MGAT4C: variants seen among roughly 807,000 people sequenced by gnomAD.
MGAT4C encodes the protein MGAT4 family member C, also known as alpha-1,3-mannosyl-glycoprotein 4-beta-N-acetylglucosaminyltransferase C.
A neutral mutation model predicts 40.1 loss-of-function variants in MGAT4C; 19 were observed. That is an observed-to-expected ratio of 0.47 (90% confidence interval 0.33 to 0.70). The LOEUF is 0.70. Among genes scored for constraint, MGAT4C ranks in the 30% least tolerant of loss-of-function variants. The pLI, the probability that MGAT4C is intolerant of heterozygous loss-of-function variation, is 0.02. For missense variants in MGAT4C, 491 were observed against 563.2 expected (o/e 0.87, Z 1.30); for synonymous variants, 181 against 187.1 (o/e 0.97, Z 0.27).
intron 1 of MGAT4C, among the ~76,000 whole-genome samples, chr12:86,131,917 T>C (rs57328168): frequency 0.035 from 5,351 of 152,224 alleles, 302 homozygotes; most frequent in East Asian, 0.28. Flanking sequence ...TTAATTCAAT[T>C]GTAAGAATCA....
At chr12:86,431,679 A>G (rs950487490) in intron 3 of MGAT4C, among the ~76,000 whole-genome samples, 4 of 152,170 alleles carry the variant, frequency 2.6e-5, no homozygotes, top group African/African-American at 7.2e-5. Flanking sequence ...AACACAGTAT[A>G]CTGTAGAGTA....
chr12:86,159,880 A>G (rs1406470725), intron 1 of MGAT4C, among the ~76,000 whole-genome samples: 5 of 152,092 alleles, frequency 3.3e-5, no homozygotes, highest in African/African-American at 1.2e-4. Context: ...GGTCAGTTAT[A>G]ATATCACCTT....
At chr12:86,715,335 G>A (rs1395382159) in intron 2 of MGAT4C, among the ~76,000 whole-genome samples, 1 of 152,096 alleles carries the variant, frequency 6.6e-6, no homozygotes, top group Non-Finnish European at 1.5e-5. Flanking sequence ...AATTAAAGTA[G>A]AAGCTATTCT....
In MGAT4C at chr12:86,098,616, T is replaced by A. The variant is rs561653574; in HGVS notation, c.-56-48893A>T. 2.6e-5 allele frequency among the ~76,000 whole-genome samples: 4 copies of A among 151,778 alleles called. No individual in the cohort carries two copies. The Admixed American group carries it at 2.6e-4, about 10-fold the overall frequency. On this transcript the variant is annotated intron_variant, in intron 1 of 4. Coordinates refer to ENST00000611864, the MANE Select transcript of MGAT4C (RefSeq NM_001351288.2). ...CTACAGTTTTAGGTGACATATTAAG[T>A]AGTCAGTCCTCCTTAACCTCCTGTC...
In MGAT4C at chr12:85,979,377, G is replaced by T. The variant is rs1291942952; in HGVS notation, c.1349C>A (p.Pro450Gln). 1.2e-6 allele frequency: 2 copies of T among 1,611,872 alleles called. No homozygotes were observed. The highest frequency in any genetic ancestry group is 1.7e-6 in the Non-Finnish European group (2 of 1,178,476). The change falls in exon 5 of 5, where the codon CCA becomes CAA. Residue 450 changes from proline (P) to glutamine (Q), a missense_variant. Transcript: ENST00000611864. ...TATCCTCATACAATGTATATCAAAT[G>T]GAATTTTTTGATTTACACCTGACAT... ...FEMSGVNQKI[P>Q]FDIHCMRIYV...
At chr12:86,213,410 T>C (rs1173845874) in intron 1 of MGAT4C, among the ~76,000 whole-genome samples, 1 of 152,214 alleles carries the variant, frequency 6.6e-6, no homozygotes, top group Non-Finnish European at 1.5e-5. Flanking sequence ...GACAAAGTCA[T>C]GGTGGTACCA....
At chr12:86,674,288 T>A (rs1488073646) in intron 2 of MGAT4C, among the ~76,000 whole-genome samples, 1 of 152,214 alleles carries the variant, frequency 6.6e-6, no homozygotes, top group Admixed American at 6.5e-5. Flanking sequence ...TTTCAAAACT[T>A]TTTATAACAT....
At chr12:86,799,618 T>A (rs1952189837) in intron 1 of MGAT4C, among the ~76,000 whole-genome samples, 1 of 151,948 alleles carries the variant, frequency 6.6e-6, no homozygotes, top group Admixed American at 6.6e-5. Flanking sequence ...TAATAGTAAA[T>A]CATATCTCAT....
intron 1 of MGAT4C, among the ~76,000 whole-genome samples, chr12:86,152,836 C>A (rs1335215879): frequency 6.6e-6 from 1 of 152,160 alleles, no homozygotes; most frequent in African/African-American, 2.4e-5. Flanking sequence ...AAGTCCAAGT[C>A]TTTCCCTTAA....
intron 2 of MGAT4C, among the ~76,000 whole-genome samples, chr12:86,563,148 C>T (rs1959947712): frequency 6.6e-6 from 1 of 152,098 alleles, no homozygotes; most frequent in Non-Finnish European, 1.5e-5. Context: ...CACTTGCATC[C>T]CTGAAGAGTT....
chr12:86,319,525 T>C (rs986196706), intron 4 of MGAT4C, among the ~76,000 whole-genome samples: 3 of 152,186 alleles, frequency 2.0e-5, no homozygotes, highest in African/African-American at 7.2e-5. Context: ...GTCTACCCAA[T>C]CACTCATATC....
At chr12:86,736,521 G>T (rs1359649397) in intron 1 of MGAT4C, among the ~76,000 whole-genome samples, 1 of 151,674 alleles carries the variant, frequency 6.6e-6, no homozygotes, top group Non-Finnish European at 1.5e-5. Context: ...AACAATGATT[G>T]AAAACAGTTC....
intron 2 of MGAT4C, among the ~76,000 whole-genome samples, chr12:86,705,431 T>C (rs1472032444): frequency 6.6e-6 from 1 of 151,914 alleles, no homozygotes; most frequent in Admixed American, 6.6e-5. Flanking sequence ...GAAAGTGAAA[T>C]GTTAGGGGAG....
intron 1 of MGAT4C, among the ~76,000 whole-genome samples, chr12:86,175,787 T>TA (rs1491326119): frequency 3.2e-5 from 1 of 31,662 alleles, no homozygotes; most frequent in African/African-American, 1.3e-4. Context: ...CCGTCTCTAC[T>TA]AAAAATACAA....
chr12:86,039,179 A>C (rs2136931272), intron 2 of MGAT4C, among the ~76,000 whole-genome samples: 1 of 152,136 alleles, frequency 6.6e-6, no homozygotes, highest in African/African-American at 2.4e-5. Flanking sequence ...ACCTTGGTGA[A>C]TCTGATGATT....
rs150295582 is a variant in MGAT4C, at chr12:85,992,830, G to A, written c.-6-3278C>T. Among the ~76,000 whole-genome samples the A allele has an allele frequency of 5.1e-4, 78 of 152,278 alleles. No individual in the cohort carries two copies. The East Asian group carries it at 0.014, about 28-fold the overall frequency. ...CCTTCTTTGCCTTGCAGGGCAATTCGGACCTTTGCCGAGACTGTAGGATTG... is the reference window on the plus strand; with the variant it reads ...CCTTCTTTGCCTTGCAGGGCAATTCAGACCTTTGCCGAGACTGTAGGATTG... On this transcript the variant is annotated intron_variant, in intron 2 of 4. Transcript: ENST00000611864.
chr12:86,685,375 G>C (rs972540333), intron 2 of MGAT4C, among the ~76,000 whole-genome samples: 1 of 152,072 alleles, frequency 6.6e-6, no homozygotes, highest in Non-Finnish European at 1.5e-5. Flanking sequence ...TGAGGCCTCC[G>C]TTCTGTTCCA....
intron 1 of MGAT4C, among the ~76,000 whole-genome samples, chr12:86,735,089 C>A (rs1003990991): frequency 3.5e-4 from 53 of 151,968 alleles, no homozygotes; most frequent in African/African-American, 1.2e-3. Flanking sequence ...AGAATCCAAT[C>A]TACTTAGGAT....
At chr12:86,099,388 G>C (rs910262774) in intron 1 of MGAT4C, among the ~76,000 whole-genome samples, 7 of 147,224 alleles carry the variant, frequency 4.8e-5, no homozygotes, top group Admixed American at 2.1e-4. Context: ...TTTCTTTTGG[G>C]GGGGGGCAAA....
Sources: allele counts gnomAD v4.1 joint callset (sites outside exome capture counted in the v4.1 genomes callset), GRCh38; gene constraint gnomAD v4.1.1; transcripts MANE v1.5; gene names NCBI Gene and HGNC (gene_info 2026-07-23, HGNC 2026-07-21).